The following STOX2 variants were observed in gnomAD, a reference collection of about 807,000 sequenced individuals.
The protein encoded by STOX2 is storkhead-box protein 2.
Under a neutral mutation model 60.9 loss-of-function variants are expected in STOX2, and 28 were observed. The ratio of observed to expected loss-of-function variants is 0.46; its 90% CI spans 0.34 to 0.63. The LOEUF is 0.63. STOX2 is among the 30% of genes least tolerant of loss of function. The pLI, the probability that STOX2 is intolerant of heterozygous loss-of-function variation, is 0.01. For missense variants in STOX2, 1,024 were observed against 1,187.7 expected, an observed-to-expected ratio of 0.86 and a Z score of 2.03; for synonymous variants, 472 against 463.9, an observed-to-expected ratio of 1.02 and a Z score of -0.22.
At chr4:183,931,371 C>T (rs1340200619) in intron 1 of STOX2, among the ~76,000 whole-genome samples, 1 of 152,124 alleles carries the variant, frequency 6.6e-6, no homozygotes, top group Non-Finnish European at 1.5e-5. Flanking sequence ...TTGCAGTGAG[C>T]CAAGATTGTG....
intron 1 of STOX2, 125 bp downstream of exon 1, chr4:183,907,081 G>GA (rs1185017171): frequency 3.7e-6 from 3 of 803,746 alleles, no homozygotes; most frequent in African/African-American, 3.5e-5. Flanking sequence ...GGGAAAGCAG[G>GA]AAAAAATTAG....
At chr4:183,932,289 TATTA>T (rs1448801216) in intron 1 of STOX2, among the ~76,000 whole-genome samples, 1 of 148,846 alleles carries the variant, frequency 6.7e-6, no homozygotes, top group African/African-American at 2.6e-5. Context: ...TGATACAATA[TATTA>T]ATTGTGTCAG....
chr4:183,915,814 G>A (rs1352117746), intron 1 of STOX2, among the ~76,000 whole-genome samples: 3 of 152,182 alleles, frequency 2.0e-5, no homozygotes, highest in Non-Finnish European at 4.4e-5. Flanking sequence ...TCAGGGTCCC[G>A]GAAGGAAACA....
chr4:183,981,861 A>C (rs1183531180), intron 1 of STOX2, among the ~76,000 whole-genome samples: 1 of 152,242 alleles, frequency 6.6e-6, no homozygotes, highest in Non-Finnish European at 1.5e-5. Context: ...ACTCGAACCC[A>C]GGAGGTAGAG....
At chr4:183,894,916 G>C (rs1268341032) in intron 1 of STOX2, among the ~76,000 whole-genome samples, 4 of 152,138 alleles carry the variant, frequency 2.6e-5, no homozygotes, top group Non-Finnish European at 4.4e-5. Context: ...TTTTGCATTC[G>C]TGTATATTCA....
intron 1 of STOX2, chr4:183,988,420 G>T (rs1732942846): frequency 6.6e-6 from 1 of 151,812 alleles, no homozygotes; most frequent in African/African-American, 2.4e-5. Context: ...TGGTAAAGAG[G>T]ATTCCTTTTT....
intron 1 of STOX2, among the ~76,000 whole-genome samples, chr4:183,944,397 A>T (rs955461268): frequency 2.0e-5 from 3 of 152,196 alleles, no homozygotes; most frequent in Non-Finnish European, 4.4e-5. Flanking sequence ...TGCTCATCAG[A>T]TATTTACTGA....
chr4:183,878,920 T>C (rs1231910632), intron 1 of STOX2, among the ~76,000 whole-genome samples: 1 of 152,116 alleles, frequency 6.6e-6, no homozygotes, highest in Non-Finnish European at 1.5e-5. Context: ...GAATTGTTCT[T>C]TACTCATGGA....
rs1439574853 is a variant in STOX2 at position 184,019,857 on chromosome 4, C to T, written c.*2573C>T. 6.6e-6 allele frequency: 1 copy of T among 152,194 alleles called. No individual in the cohort carries two copies. The highest frequency in any genetic ancestry group is 1.5e-5 in the Non-Finnish European group (1 of 68,044). 9.4% of individuals were successfully genotyped at this position (152,194 alleles called of 1,614,324 possible). On this transcript the variant is annotated 3_prime_UTR_variant, in exon 4 of 4. Transcript: ENST00000308497. ...TGTCATTCGAGGTCACGGTGAGGCT[C>T]TCGGTCCCGGAACAGTGGGGGCCTC...
intron 1 of STOX2, among the ~76,000 whole-genome samples, chr4:183,934,312 A>AAAAAT (rs553367740): frequency 1.9e-4 from 27 of 143,658 alleles, no homozygotes; most frequent in Non-Finnish European, 3.1e-4. Context: ...CAAAAAAATA[A>AAAAAT]AAAATAAAAT....
intron 1 of STOX2, among the ~76,000 whole-genome samples, chr4:183,917,816 A>T (rs1741976015): frequency 6.6e-6 from 1 of 152,244 alleles, no homozygotes; most frequent in Non-Finnish European, 1.5e-5. Flanking sequence ...GGGCTGTGAA[A>T]TCAGACATTC....
In STOX2 at chr4:183,825,407, G is replaced by A. The variant is rs757499066; in HGVS notation, c.364+27352G>A. ...AGCTGGGCCATCCCTCGTGTGGCGCGTGCTGCAGATGGCAGCGGTCAGCTC... is the reference window on the plus strand; with the variant it reads ...AGCTGGGCCATCCCTCGTGTGGCGCATGCTGCAGATGGCAGCGGTCAGCTC... On this transcript the variant is annotated intron_variant, in intron 1 of 2. Transcript: ENST00000513034. The surrounding 1 kb of genome is among the most constrained non-coding windows in gnomAD (Gnocchi z 4.1). Among the ~76,000 whole-genome samples, 13 of 152,180 alleles carry A rather than the reference G, an allele frequency of 8.5e-5. No individual in the cohort carries two copies. The highest frequency in any genetic ancestry group is 1.8e-4 in the Non-Finnish European group (12 of 68,042).
rs148507690 is a variant in STOX2 at position 183,831,833 on chromosome 4, G to A, written c.364+33778G>A. Among the ~76,000 whole-genome samples, 1,138 of 152,006 alleles carry A rather than the reference G, an allele frequency of 7.5e-3. 13 individuals carry two copies. Among genetic ancestry groups the A allele is most frequent in the African/African-American group, 0.026 (1,069 of 41,452 alleles). ...TTTCTGTCTAGGTGGCTGTAAACAC[G>A]CCCTGGTCTCATTTCCGAGGCTTTG... On this transcript the variant is annotated intron_variant, in intron 1 of 2. Coordinates refer to the STOX2 transcript ENST00000513034.
intron 1 of STOX2, among the ~76,000 whole-genome samples, chr4:183,968,642 G>A (rs1743650003): frequency 6.6e-6 from 1 of 152,122 alleles, no homozygotes; most frequent in African/African-American, 2.4e-5. Context: ...ACGCAGGGCT[G>A]AAAAGACCAA....
At chr4:183,846,996 A>G (rs894791319) in intron 1 of STOX2, among the ~76,000 whole-genome samples, 7 of 152,186 alleles carry the variant, frequency 4.6e-5, no homozygotes, top group Non-Finnish European at 8.8e-5. Flanking sequence ...TTTGTCATGT[A>G]TGTCCATGGA....
At chr4:183,822,041 G>A (rs1177656857) in intron 1 of STOX2, among the ~76,000 whole-genome samples, 1 of 152,220 alleles carries the variant, frequency 6.6e-6, no homozygotes, top group Non-Finnish European at 1.5e-5. Flanking sequence ...GCCCTCCTGG[G>A]CAGGGTGCTC....
chr4:184,010,828 G>C lies in STOX2; in HGVS notation c.1990G>C (p.Gly664Arg). The change falls in exon 3 of 4, where the codon GGC becomes CGC. Residue 664 changes from glycine to arginine, a missense_variant. Transcript: ENST00000308497. The surrounding 1 kb of genome is among the most constrained non-coding windows in gnomAD (Gnocchi z 4.5). ...GGAGTCACCAAAAGGGCCGGGTGGG[G>C]GCCCCGCTGCTTCGGGAGGAGTGGC... The part of the protein sequence containing the change: ...KEESPKGPGG[G>R]PAASGGVAEG... 1 of 1,591,440 alleles carries C rather than the reference G, an allele frequency of 6.3e-7. No homozygotes were observed. Among genetic ancestry groups the C allele is most frequent in the Non-Finnish European group, 8.6e-7 (1 of 1,168,996 alleles).
At chr4:183,873,067 C>T (rs1560856621) in intron 1 of STOX2, among the ~76,000 whole-genome samples, 1 of 152,116 alleles carries the variant, frequency 6.6e-6, no homozygotes, top group Non-Finnish European at 1.5e-5. Flanking sequence ...AATACAAAGA[C>T]AGTCTAAGTC....
At position 184,001,247 on chromosome 4, in the gene STOX2, T is replaced by G; in HGVS notation, c.167-78T>G. On this transcript the variant is annotated intron_variant, in intron 1 of 3. Coordinates refer to ENST00000308497, the MANE Select transcript of STOX2 (RefSeq NM_020225.3). This position sits in a 1 kb window ranked among gnomAD's most constrained non-coding sequence, Gnocchi z 4.2. ...CTGTGTTCGTCAGACCAGGGCCAGATGGACGCGTGAAGGCGTGTGTCTGAC... is the reference window on the plus strand; with the variant it reads ...CTGTGTTCGTCAGACCAGGGCCAGAGGGACGCGTGAAGGCGTGTGTCTGAC... 7.0e-7 allele frequency: 1 copy of G among 1,437,234 alleles called. No individual in the cohort carries two copies. The allele number at this position is 1,437,234 out of a possible 1,614,324, so 89.0% of individuals were successfully genotyped here. A position where few individuals can be genotyped will look rare whatever the true frequency, so the allele number is the denominator to read the frequency against.
Sources: gnomAD v4.1 joint callset for allele counts (sites outside exome capture counted in the v4.1 genomes callset) on GRCh38, gnomAD v4.1.1 for gene constraint, Gnocchi (gnomAD v3.1) non-coding constraint, MANE v1.5 for transcripts, NCBI Gene and HGNC (gene_info 2026-07-23, HGNC 2026-07-21) for gene names.